EML5: variants seen among roughly 807,000 people sequenced by gnomAD.
EML5 encodes the protein EMAP like 5.
A neutral mutation model predicts 250.0 loss-of-function variants in EML5; 120 were observed. The ratio of observed to expected loss-of-function variants is 0.48; its 90% CI spans 0.41 to 0.56. The LOEUF is 0.56. Ranked by LOEUF, EML5 falls within the 20% of genes least tolerant of loss-of-function variation. EML5 has a pLI of 0.00. For synonymous variants in EML5, 771 were observed against 806.5 expected (o/e 0.96, Z 0.75); for missense variants, 2,006 against 2,437.6 (o/e 0.82, Z 3.73).
intron 29 of EML5, among the ~76,000 whole-genome samples, chr14:88,645,184 C>T (rs2091286347): frequency 6.6e-6 from 1 of 152,020 alleles, no homozygotes; most frequent in Admixed American, 6.6e-5. Flanking sequence ...CACCACCACA[C>T]TCAGCTAATG....
intron 37 of EML5, 108 bp downstream of exon 37, chr14:88,622,496 G>T: frequency 1.2e-6 from 1 of 839,804 alleles, no homozygotes. Context: ...CAAATCCATC[G>T]TTATGCATTA....
chr14:88,737,386 AGCCACAGGCTGAGCATGGAT>A (rs1211533525), intron 6 of EML5, among the ~76,000 whole-genome samples: 2 of 152,220 alleles, frequency 1.3e-5, no homozygotes, highest in African/African-American at 4.8e-5. Context: ...CACCCGGCCC[AGCCACAGGCTGAGCATGGAT>A]CCTGCAGCAA....
intron 7 of EML5, among the ~76,000 whole-genome samples, chr14:88,729,088 C>CAT (rs140688839): frequency 0.24 from 36,130 of 151,140 alleles, 4,404 homozygotes; most frequent in East Asian, 0.37. Flanking sequence ...ATAAACACAT[C>CAT]ATATATATAT....
chr14:88,660,868 G>A (rs1163738539), intron 25 of EML5, among the ~76,000 whole-genome samples: 3 of 151,928 alleles, frequency 2.0e-5, no homozygotes, highest in East Asian at 1.9e-4. Context: ...ATTCTGCTAC[G>A]AAAGCAGAAA....
intron 20 of EML5, among the ~76,000 whole-genome samples, chr14:88,684,413 G>A (rs995400947): frequency 1.7e-4 from 23 of 138,436 alleles, no homozygotes; most frequent in African/African-American, 4.4e-4. Context: ...CTCGTGATCC[G>A]CCCGCCTCGG....
At chr14:88,727,092 G>A (rs912061490) in intron 7 of EML5, among the ~76,000 whole-genome samples, 2 of 152,084 alleles carry the variant, frequency 1.3e-5, no homozygotes, top group Admixed American at 1.3e-4. Context: ...CAGTTATAGT[G>A]TCACTGCATA....
In EML5 at chr14:88,615,737, G is replaced by T; in HGVS notation, c.*81C>A. The T allele has an allele frequency of 1.5e-6, 2 of 1,357,438 alleles. No homozygotes were observed. Among genetic ancestry groups the T allele is most frequent in the South Asian group, 1.3e-5 (1 of 76,582 alleles). The allele number at this position is 1,357,438 out of a possible 1,614,324, so 84.1% of individuals were successfully genotyped here. ...TTACAGTCTTGGGTTAGCACCACTT[G>T]ACCATGCAGGGTTGGGTTTTGGTTT... On this transcript the variant is annotated 3_prime_UTR_variant, in exon 44 of 44. Transcript: ENST00000554922.
intron 33 of EML5, among the ~76,000 whole-genome samples, chr14:88,631,546 A>C (rs2090437183): frequency 6.6e-6 from 1 of 152,216 alleles, no homozygotes; most frequent in Admixed American, 6.5e-5. Flanking sequence ...AGGCGGGTGG[A>C]TAACCTGAGG....
intron 31 of EML5, among the ~76,000 whole-genome samples, chr14:88,640,398 C>T (rs116167396): frequency 0.044 from 6,633 of 152,202 alleles, 453 homozygotes; most frequent in African/African-American, 0.15. Context: ...CCAAGAAGAG[C>T]TCCCAAAACC....
intron 21 of EML5, among the ~76,000 whole-genome samples, chr14:88,672,911 A>T (rs2092504872): frequency 6.6e-6 from 1 of 152,170 alleles, no homozygotes; most frequent in Non-Finnish European, 1.5e-5. Flanking sequence ...TACCAACCAA[A>T]AAGAGCCCAG....
chr14:88,670,568 A>G (rs1171113435), intron 21 of EML5, among the ~76,000 whole-genome samples: 1 of 152,154 alleles, frequency 6.6e-6, no homozygotes, highest in African/African-American at 2.4e-5. Context: ...AAAGGCTGAG[A>G]TGGATGAATT....
At chr14:88,773,706 GTTTTAT>G (rs1327889022) in intron 1 of EML5, among the ~76,000 whole-genome samples, 1 of 152,218 alleles carries the variant, frequency 6.6e-6, no homozygotes. Flanking sequence ...GCCATTGGTG[GTTTTAT>G]TTTGTTTGTT....
rs867613386 is a variant in EML5 at position 88,644,080 on chromosome 14, A to G, written c.4107+353T>C. Among the ~76,000 whole-genome samples, 5 of 152,284 alleles carry G rather than the reference A, an allele frequency of 3.3e-5. No individual in the cohort carries two copies. In the South Asian group the frequency reaches 6.2e-4, roughly 19 times the overall value. Reference sequence around the variant, plus strand: ...CACAGGGTCAAAATTCCTATTTGGTATAAGTACTTACTCTTTAATTTACAA... The same window carrying G: ...CACAGGGTCAAAATTCCTATTTGGTGTAAGTACTTACTCTTTAATTTACAA... On this transcript the variant is annotated intron_variant, in intron 30 of 43. Transcript: ENST00000554922.
chr14:88,652,878 T>G (rs1436535662), intron 27 of EML5, among the ~76,000 whole-genome samples: 1 of 152,222 alleles, frequency 6.6e-6, no homozygotes, highest in Non-Finnish European at 1.5e-5. Context: ...GATCTCTAAA[T>G]TACTTTGGGC....
At chr14:88,654,026 T>C (rs2091760141) in intron 27 of EML5, among the ~76,000 whole-genome samples, 1 of 152,188 alleles carries the variant, frequency 6.6e-6, no homozygotes, top group South Asian at 2.1e-4. Context: ...GGTGTATGTG[T>C]CCAGGAATTT....
intron 42 of EML5, 106 bp downstream of exon 42, chr14:88,616,620 A>G: frequency 8.3e-7 from 1 of 1,205,084 alleles, no homozygotes; most frequent in Non-Finnish European, 1.1e-6. Context: ...TTGGGGAAAA[A>G]TTTAGAAATT....
intron 33 of EML5, among the ~76,000 whole-genome samples, chr14:88,633,703 A>T (rs1185208976): frequency 6.6e-6 from 1 of 152,200 alleles, no homozygotes; most frequent in Non-Finnish European, 1.5e-5. Flanking sequence ...AAGCTGCCAC[A>T]GAACATATAT....
chr14:88,775,877 C>A (rs538713631), intron 1 of EML5, among the ~76,000 whole-genome samples: 16 of 150,750 alleles, frequency 1.1e-4, no homozygotes, highest in African/African-American at 3.9e-4. Flanking sequence ...GTGATTATGT[C>A]ATTCACCCCC....
intron 1 of EML5, among the ~76,000 whole-genome samples, chr14:88,772,218 G>A (rs991803556): frequency 3.3e-5 from 5 of 152,006 alleles, no homozygotes; most frequent in South Asian, 2.1e-4. Context: ...TATCATCACC[G>A]TCATTTCTGC....
Sources: gnomAD v4.1 joint callset for allele counts (sites outside exome capture counted in the v4.1 genomes callset) on GRCh38, gnomAD v4.1.1 for gene constraint, MANE v1.5 for transcripts, NCBI Gene and HGNC (gene_info 2026-07-23, HGNC 2026-07-21) for gene names.